Variants in BRSK2 observed in about 807,000 individuals in gnomAD.
BRSK2 encodes serine/threonine-protein kinase BRSK2.
In BRSK2, 19 loss-of-function variants were observed where a neutral mutation model predicts 83.3. The ratio of observed to expected loss-of-function variants is 0.23; its 90% CI spans 0.16 to 0.33. The LOEUF (loss-of-function observed/expected upper bound fraction) is 0.33, where lower values mean the gene tolerates loss of function less well. Among genes scored for constraint, BRSK2 ranks in the 10% least tolerant of loss-of-function variants. BRSK2 has a pLI of 1.00. For synonymous variants in BRSK2, 519 were observed against 435.4 expected (o/e 1.19, Z -2.39); for missense variants, 798 against 1,042.3 (o/e 0.77, Z 3.23).
At chr11:1,444,815 C>T (rs1349239197) in intron 8 of BRSK2, among the ~76,000 whole-genome samples, 156 bp from the exon 9 acceptor site, 1 of 151,908 alleles carries the variant, frequency 6.6e-6, no homozygotes, top group Non-Finnish European at 1.5e-5. Context: ...ACGCAGCCCC[C>T]TCCCTATCTT....
At position 1,434,166 on chromosome 11, in the gene BRSK2, C is replaced by T. The variant is rs537292854; in HGVS notation, c.92-1874C>T. 2.5e-4 allele frequency among the ~76,000 whole-genome samples: 38 copies of T among 152,374 alleles called. 1 individual carries two copies. Among genetic ancestry groups the T allele is most frequent in the South Asian group, 1.7e-3 (8 of 4,832 alleles). On this transcript the variant is annotated intron_variant, in intron 1 of 19. Transcript: ENST00000528841. The stretch of plus-strand genomic sequence containing the variant: ...GAAAGGAGCCCAGAGCACACCCACA[C>T]GGTCAGTAAACACCGGTGACGTCCC...
chr11:1,460,443 CCT>C (rs1324970473), intron 19 of BRSK2, 55 bp from the exon 20 acceptor site: 46 of 1,150,816 alleles, frequency 4.0e-5, no homozygotes, highest in African/African-American at 3.4e-4. Context: ...TTTCTCTCCC[CCT>C]TTTTTTTCTT....
At chr11:1,457,462 G>A (rs1238430461) in intron 18 of BRSK2, among the ~76,000 whole-genome samples, 4 of 152,154 alleles carry the variant, frequency 2.6e-5, no homozygotes, top group Non-Finnish European at 4.4e-5. Flanking sequence ...CCGAGGGTCC[G>A]TGCCACTCGG....
chr11:1,457,603 G>A lies in BRSK2; in HGVS notation c.1939+916G>A, dbSNP rs562817634. 1.5e-4 allele frequency among the ~76,000 whole-genome samples: 23 copies of A among 152,276 alleles called. No homozygotes were observed. The South Asian group carries it at 4.8e-3, about 32-fold the overall frequency. On this transcript the variant is annotated intron_variant, in intron 18 of 19. Transcript: ENST00000528841. ...GGGTGTGCCTCTGAACGCTGGTACGGCGTGGGGGCGCTGGGCGTCGTGGGG... is the reference window on the plus strand; with the variant it reads ...GGGTGTGCCTCTGAACGCTGGTACGACGTGGGGGCGCTGGGCGTCGTGGGG...
intron 12 of BRSK2, 108 bp from the exon 13 acceptor site, chr11:1,449,668 C>T: frequency 2.2e-6 from 2 of 916,714 alleles, no homozygotes; most frequent in South Asian, 3.4e-5. Flanking sequence ...AGGCTCTTGG[C>T]CCGGGCTCCA....
chr11:1,444,909 T>A, intron 8 of BRSK2, 62 bp from the exon 9 acceptor site: 1 of 1,522,624 alleles, frequency 6.6e-7, no homozygotes, highest in South Asian at 1.1e-5. Context: ...CCCCCTCACC[T>A]CCTAATGTGG....
At chr11:1,394,791 C>A (rs1395031036) in intron 1 of BRSK2, among the ~76,000 whole-genome samples, 1 of 83,188 alleles carries the variant, frequency 1.2e-5, no homozygotes. Context: ...GAGATGGGTC[C>A]TGGAGATGGG....
intron 1 of BRSK2, among the ~76,000 whole-genome samples, chr11:1,419,496 G>A (rs1054107278): frequency 6.6e-6 from 1 of 152,212 alleles, no homozygotes; most frequent in Non-Finnish European, 1.5e-5. Context: ...TATTCTAGCA[G>A]TTATTATTTT....
intron 1 of BRSK2, among the ~76,000 whole-genome samples, chr11:1,406,828 T>C (rs1846907280): frequency 6.6e-6 from 1 of 152,136 alleles, no homozygotes; most frequent in South Asian, 2.1e-4. Context: ...AGGCATCTGC[T>C]CCCTCCACGA....
At chr11:1,437,258 C>T (rs895847796) in intron 2 of BRSK2, among the ~76,000 whole-genome samples, 18 of 152,136 alleles carry the variant, frequency 1.2e-4, no homozygotes, top group Non-Finnish European at 2.6e-4. Flanking sequence ...CACAGATGTC[C>T]GCCTGGGAGG....
At chr11:1,433,081 C>A (rs12793789) in intron 1 of BRSK2, among the ~76,000 whole-genome samples, 27 of 2,656 alleles carry the variant, frequency 0.01, 8 homozygotes, top group African/African-American at 0.029. Context: ...AGCAGTGAGC[C>A]TCTTCTGCGG....
In BRSK2 at chr11:1,461,044, G is replaced by T; in HGVS notation, c.*321G>T. 1 of 1,607,742 alleles carries T rather than the reference G, an allele frequency of 6.2e-7. No homozygotes were observed. Among genetic ancestry groups the T allele is most frequent in the Non-Finnish European group, 8.5e-7 (1 of 1,177,250 alleles). ...GACCGAAGGCAGCTGCTGCGGACCC[G>T]CCCTCCCTCCGCTCCTGCTGTTGCT... On this transcript the variant is annotated 3_prime_UTR_variant, in exon 20 of 20. Transcript: ENST00000528841.
At chr11:1,428,173 G>A (rs989958168) in intron 1 of BRSK2, among the ~76,000 whole-genome samples, 4 of 152,156 alleles carry the variant, frequency 2.6e-5, no homozygotes, top group African/African-American at 7.2e-5. Flanking sequence ...AGCCTGCTGC[G>A]TCGTGGCTGC....
chr11:1,453,397 A>G (rs567517173), intron 15 of BRSK2, among the ~76,000 whole-genome samples: 2 of 152,374 alleles, frequency 1.3e-5, no homozygotes, highest in African/African-American at 4.8e-5. Context: ...CGGGCAGAAC[A>G]TCGACCATGT....
At position 1,443,471 on chromosome 11, in the gene BRSK2, A is replaced by T; in HGVS notation, c.634-18A>T. The T allele has an allele frequency of 6.4e-7, 1 of 1,570,134 alleles. No individual in the cohort carries two copies. The highest frequency in any genetic ancestry group is 1.2e-5 in the South Asian group (1 of 86,772). ...AACCTGCCCCCCCACGCTGACCCCCACACCCGGCCGCCCGCAGGGGGCTCT... is the reference window on the plus strand; with the variant it reads ...AACCTGCCCCCCCACGCTGACCCCCTCACCCGGCCGCCCGCAGGGGGCTCT... On this transcript the variant is annotated intron_variant, in intron 7 of 19. Coordinates refer to ENST00000528841, the MANE Select transcript of BRSK2 (RefSeq NM_001256627.2).
intron 1 of BRSK2, among the ~76,000 whole-genome samples, chr11:1,419,302 G>A (rs1240212774): frequency 3.9e-5 from 6 of 152,312 alleles, no homozygotes; most frequent in South Asian, 2.1e-4. Context: ...GGGGGCCTTC[G>A]CTGAGCTGTG....
At chr11:1,422,936 C>T (rs1037223186) in intron 1 of BRSK2, among the ~76,000 whole-genome samples, 15 of 152,300 alleles carry the variant, frequency 9.8e-5, no homozygotes, top group South Asian at 4.1e-4. Flanking sequence ...GGATGGACCT[C>T]GAGGTCTCTC....
At chr11:1,437,724 C>T (rs541268599) in intron 2 of BRSK2, among the ~76,000 whole-genome samples, 3 of 152,344 alleles carry the variant, frequency 2.0e-5, no homozygotes, top group East Asian at 1.9e-4. Flanking sequence ...AGGCCTCCAC[C>T]GTAAGGAAGG....
intron 1 of BRSK2, among the ~76,000 whole-genome samples, chr11:1,419,146 G>A (rs1301171089): frequency 9.9e-5 from 14 of 141,516 alleles, no homozygotes; most frequent in East Asian, 1.9e-4. Flanking sequence ...GGGCACTGGT[G>A]GCGGGGGGGG....
Sources: gnomAD v4.1 joint callset for allele counts (sites outside exome capture counted in the v4.1 genomes callset) on GRCh38, gnomAD v4.1.1 for gene constraint, MANE v1.5 for transcripts, NCBI Gene and HGNC (gene_info 2026-07-23, HGNC 2026-07-21) for gene names.